The following DAW1 variants were observed in gnomAD, a reference collection of about 807,000 sequenced individuals.
DAW1 encodes dynein assembly factor with WD repeats 1.
A neutral mutation model predicts 56.5 loss-of-function variants in DAW1; 47 were observed. That is an observed-to-expected ratio of 0.83 (90% CI 0.66 to 1.06). The LOEUF (loss-of-function observed/expected upper bound fraction) is 1.06. DAW1 is among the 50% of genes least tolerant of loss of function. The probability of loss-of-function intolerance (pLI) is 0.00; values close to 1 mark genes in which losing one functional copy is unlikely to be tolerated. For synonymous variants in DAW1, 190 were observed against 179.0 expected, an observed-to-expected ratio of 1.06 and a Z score of -0.49; for missense variants, 505 against 499.3, an observed-to-expected ratio of 1.01 and a Z score of -0.11.
In DAW1 at chr2:227,924,052, T is replaced by A. The variant is rs540227260; in HGVS notation, c.*84T>A. On this transcript the variant is annotated 3_prime_UTR_variant, in exon 13 of 13. Transcript: ENST00000309931. ...TCACAGACAGCAGCTCTCTTAATAT[T>A]TCTTATACTTTCTCTTTTTCTGCAA... 6.8e-7 allele frequency: 1 copy of A among 1,477,004 alleles called. No homozygotes were observed. The highest frequency in any genetic ancestry group is 2.4e-5 in the East Asian group (1 of 41,960). 91.5% of individuals were successfully genotyped at this position (1,477,004 alleles called of 1,614,324 possible). A position where few individuals can be genotyped will look rare whatever the true frequency, so the allele number is the denominator to read the frequency against.
Position 227,920,628 on chromosome 2 carries a change from A to C in DAW1, c.1051-771A>C, listed in dbSNP as rs1014992350. On this transcript the variant is annotated intron_variant, in intron 11 of 12. Transcript: ENST00000309931. ...ATTCACTTATTCTATGGCACAGATT[A>C]GAGAAGGATCTGTGTGCTTTTTAAA... 2.6e-5 allele frequency among the ~76,000 whole-genome samples: 4 copies of C among 152,234 alleles called. No individual in the cohort carries two copies. In the East Asian group the frequency reaches 7.7e-4, roughly 29 times the overall value.
In DAW1 at chr2:227,924,005, A is replaced by G. The variant is rs769628199; in HGVS notation, c.*37A>G. 20 of 1,612,774 alleles carry G rather than the reference A, an allele frequency of 1.2e-5. 1 individual carries two copies. Among genetic ancestry groups the G allele is most frequent in the East Asian group, 8.9e-5 (4 of 44,818 alleles). Reference sequence around the variant, plus strand: ...TGGTCAGTGAGCAACCTTGCTAGCAATGGTAATCAAGAACTGGAACTTCAC... The same window carrying G: ...TGGTCAGTGAGCAACCTTGCTAGCAGTGGTAATCAAGAACTGGAACTTCAC... On this transcript the variant is annotated 3_prime_UTR_variant, in exon 13 of 13. Transcript: ENST00000309931.
At chr2:227,883,527 A>G (rs1318709426) in intron 1 of DAW1, among the ~76,000 whole-genome samples, 2 of 152,372 alleles carry the variant, frequency 1.3e-5, no homozygotes, top group East Asian at 1.9e-4. Flanking sequence ...TTCAGATTCT[A>G]TATTGCAACT....
chr2:227,903,440 C>T (rs995250451), intron 7 of DAW1, among the ~76,000 whole-genome samples: 64 of 152,198 alleles, frequency 4.2e-4, no homozygotes, highest in Non-Finnish European at 2.2e-4. Flanking sequence ...CAAGAGAATC[C>T]TTAGAGCAAT....
chr2:227,923,605 G>A (rs1222396732), intron 12 of DAW1, among the ~76,000 whole-genome samples: 2 of 152,140 alleles, frequency 1.3e-5, no homozygotes, highest in African/African-American at 2.4e-5. Context: ...CCACTGGGTG[G>A]TGATGTTTGA....
chr2:227,907,633 C>T (rs923313104), intron 10 of DAW1, among the ~76,000 whole-genome samples: 4 of 152,100 alleles, frequency 2.6e-5, no homozygotes, highest in South Asian at 2.1e-4. Context: ...ACGCAACCTC[C>T]GCCTCCCAGG....
intron 10 of DAW1, among the ~76,000 whole-genome samples, chr2:227,918,071 A>G (rs1692005726): frequency 6.6e-6 from 1 of 152,090 alleles, no homozygotes; most frequent in Non-Finnish European, 1.5e-5. Context: ...TATTTAACTT[A>G]TTCATCCTTT....
intron 10 of DAW1, among the ~76,000 whole-genome samples, chr2:227,908,041 A>G (rs1691728798): frequency 6.6e-6 from 1 of 152,202 alleles, no homozygotes; most frequent in Non-Finnish European, 1.5e-5. Context: ...ACTATGTGTC[A>G]TCTTATTGAT....
chr2:227,876,474 C>G, intron 1 of DAW1: 2 of 1,302,420 alleles, frequency 1.5e-6, no homozygotes, highest in South Asian at 1.2e-5. Context: ...TGCAAGTTTC[C>G]AAGATACTAC....
Position 227,871,713 on chromosome 2 carries a change from C to G in DAW1, c.24C>G (p.Leu8=). MKLKSLL[L]RYYPPGIMLE... ...AAATGAAGCTCAAGAGCCTCCTGCTCCGGTATTACCCGCCAGGTACGCACC... is the reference window on the plus strand; with the variant it reads ...AAATGAAGCTCAAGAGCCTCCTGCTGCGGTATTACCCGCCAGGTACGCACC... Residue 8 remains leucine, a synonymous_variant, in exon 1 of 13, where the codon CTC becomes CTG. Transcript: ENST00000309931. 6.2e-7 allele frequency: 1 copy of G among 1,613,964 alleles called. No homozygotes were observed. Among genetic ancestry groups the G allele is most frequent in the Non-Finnish European group, 8.5e-7 (1 of 1,179,928 alleles).
intron 2 of DAW1, among the ~76,000 whole-genome samples, chr2:227,886,750 C>T (rs77271180): frequency 0.046 from 6,930 of 152,220 alleles, 574 homozygotes; most frequent in African/African-American, 0.16. Flanking sequence ...AGTTTGAGAC[C>T]AGCCCGGGCA....
chr2:227,918,193 A>ATCCG (rs1692018736), intron 10 of DAW1, among the ~76,000 whole-genome samples: 1 of 150,052 alleles, frequency 6.7e-6, no homozygotes, highest in South Asian at 2.1e-4. Context: ...CCATCCATCC[A>ATCCG]TCCATCCATC....
chr2:227,874,684 A>G (rs1350484278), intron 1 of DAW1, among the ~76,000 whole-genome samples: 1 of 151,906 alleles, frequency 6.6e-6, no homozygotes, highest in Non-Finnish European at 1.5e-5. Flanking sequence ...TCTCCTTTCT[A>G]TCTACACTCA....
intron 6 of DAW1, among the ~76,000 whole-genome samples, chr2:227,902,201 T>C (rs527646397): frequency 1.4e-3 from 208 of 152,264 alleles, no homozygotes; most frequent in African/African-American, 4.6e-3. Flanking sequence ...TGTGCTGTTC[T>C]CTTAAGCTAC....
At chr2:227,896,593 AGTGTGTGTGTGTGTGTGTGTGT>A (rs5839240) in intron 5 of DAW1, among the ~76,000 whole-genome samples, 1 of 143,564 alleles carries the variant, frequency 7.0e-6, no homozygotes, top group Non-Finnish European at 1.5e-5. Context: ...AATAAGAGGG[AGTGTGTGTGTGTGTGTGTGTGT>A]GTGTGTGTGT....
Position 227,918,798 on chromosome 2 carries a change from G to C in DAW1, c.992G>C (p.Ser331Thr). The C allele has an allele frequency of 6.2e-7, 1 of 1,614,052 alleles. No individual in the cohort carries two copies. The highest frequency in any genetic ancestry group is 8.5e-7 in the Non-Finnish European group (1 of 1,180,012). The change falls in exon 11 of 13, where the codon AGT becomes ACT. Residue 331 changes from serine (S) to threonine (T), a missense_variant. Ser to Thr is a moderately conservative substitution (Grantham distance 58). Transcript: ENST00000309931. Reference sequence around the variant, plus strand: ...CAAAAAGGAACAGCAAGAATTTTCAGTGCTGCCACAAGAAAATGCATTGCC... The same window carrying C: ...CAAAAAGGAACAGCAAGAATTTTCACTGCTGCCACAAGAAAATGCATTGCC... The part of the protein sequence containing the change: ...ASADGTARIF[S>T]AATRKCIAKL...
intron 10 of DAW1, among the ~76,000 whole-genome samples, chr2:227,916,525 G>A (rs764482602): frequency 6.6e-6 from 1 of 152,094 alleles, no homozygotes; most frequent in African/African-American, 2.4e-5. Context: ...AACCAAGTAT[G>A]ATGCTATACT....
At chr2:227,880,873 G>A (rs1690994840) in intron 1 of DAW1, among the ~76,000 whole-genome samples, 1 of 152,168 alleles carries the variant, frequency 6.6e-6, no homozygotes, top group African/African-American at 2.4e-5. Flanking sequence ...GGAACTCAGA[G>A]GAGATATAGA....
intron 8 of DAW1, among the ~76,000 whole-genome samples, chr2:227,905,855 C>T (rs1461851741): frequency 1.3e-5 from 2 of 152,080 alleles, no homozygotes; most frequent in Admixed American, 6.5e-5. Context: ...CCTGGGTTCA[C>T]GCCATTCTCC....
Sources: allele counts gnomAD v4.1 joint callset (sites outside exome capture counted in the v4.1 genomes callset), GRCh38; gene constraint gnomAD v4.1.1; transcripts MANE v1.5; gene names NCBI Gene and HGNC (gene_info 2026-07-23, HGNC 2026-07-21).